The following BRIP1 variants were observed in gnomAD, a reference collection of about 807,000 sequenced individuals.
BRIP1 encodes the protein Fanconi anemia group J protein.
BRIP1 carries 88 observed loss-of-function variants against 119.7 expected under a neutral mutation model. The ratio of observed to expected loss-of-function variants is 0.74; its 90% CI spans 0.62 to 0.88. The LOEUF (loss-of-function observed/expected upper bound fraction) is 0.88, where lower values mean the gene tolerates loss of function less well. Ranked by LOEUF, BRIP1 falls within the 40% of genes least tolerant of loss-of-function variation. The pLI, the probability that BRIP1 is intolerant of heterozygous loss-of-function variation, is 0.00. For missense variants in BRIP1, 1,259 were observed against 1,455.4 expected, an observed-to-expected ratio of 0.87 and a Z score of 2.20; for synonymous variants, 443 against 496.5, an observed-to-expected ratio of 0.89 and a Z score of 1.43.
rs1166032763 is a variant in BRIP1, at chr17:61,815,930, T to C, written c.628-7173A>G. 6.6e-6 allele frequency among the ~76,000 whole-genome samples: 1 copy of C among 152,216 alleles called. No individual in the cohort carries two copies. Among genetic ancestry groups the C allele is most frequent in the Non-Finnish European group, 1.5e-5 (1 of 68,026 alleles). ...CATCTAAACAGGTACTGAATGCCCGTTGTGCAAAATCTCACATTAGCACAC... is the reference window on the plus strand; with the variant it reads ...CATCTAAACAGGTACTGAATGCCCGCTGTGCAAAATCTCACATTAGCACAC... On this transcript the variant is annotated intron_variant, in intron 6 of 19. Coordinates refer to ENST00000259008, the MANE Select transcript of BRIP1 (RefSeq NM_032043.3). This position sits in a 1 kb window ranked among gnomAD's most constrained non-coding sequence, Gnocchi z 4.1.
rs182628611 is a variant in BRIP1, at chr17:61,697,043, T to C, written c.2493-3531A>G. Among the ~76,000 whole-genome samples, 11 of 149,056 alleles carry C rather than the reference T, an allele frequency of 7.4e-5. No individual in the cohort carries two copies. The East Asian group carries it at 2.0e-3, about 27-fold the overall frequency. On this transcript the variant is annotated intron_variant, in intron 17 of 19. Transcript: ENST00000259008. Reference sequence around the variant, plus strand: ...TTTTGATGACAAATTCTATCTTTACTTGTTATACATCTATTCAGATATTCT... The same window carrying C: ...TTTTGATGACAAATTCTATCTTTACCTGTTATACATCTATTCAGATATTCT...
intron 17 of BRIP1, among the ~76,000 whole-genome samples, chr17:61,694,566 A>G (rs188854099): frequency 1.6e-4 from 25 of 152,128 alleles, no homozygotes; most frequent in Admixed American, 1.3e-3. Context: ...GTCATATAGT[A>G]ATTCTATGTT....
chr17:61,764,121 G>A (rs1285797067), intron 14 of BRIP1, among the ~76,000 whole-genome samples: 1 of 152,174 alleles, frequency 6.6e-6, no homozygotes, highest in African/African-American at 2.4e-5. Context: ...CAAACTGATG[G>A]ACTACAGCTG....
intron 16 of BRIP1, among the ~76,000 whole-genome samples, chr17:61,728,390 T>C (rs937072429): frequency 6.7e-6 from 1 of 149,248 alleles, no homozygotes; most frequent in East Asian, 2.0e-4. Context: ...AAAAGACAAA[T>C]AGGAAACAGA....
chr17:61,831,388 T>C lies in BRIP1; in HGVS notation c.627+15713A>G, dbSNP rs1158642340. Among the ~76,000 whole-genome samples the C allele has an allele frequency of 6.6e-6, 1 of 152,222 alleles. No individual in the cohort carries two copies. Among genetic ancestry groups the C allele is most frequent in the African/African-American group, 2.4e-5 (1 of 41,462 alleles). ...TATCAACTAGAACCAATAAGTGATA[T>C]AACAAGTTGCAGGTTACAGGGTAAA... On this transcript the variant is annotated intron_variant, in intron 6 of 19. Transcript: ENST00000259008. This position sits in a 1 kb window ranked among gnomAD's most constrained non-coding sequence, Gnocchi z 4.1.
intron 6 of BRIP1, among the ~76,000 whole-genome samples, chr17:61,818,229 ATATT>A (rs781070368): frequency 3.8e-4 from 57 of 151,854 alleles, no homozygotes; most frequent in Non-Finnish European, 6.3e-4. Context: ...AGTAGGGTAT[ATATT>A]TCTATAGATG....
rs953089956 is a variant in BRIP1, at chr17:61,810,000, T to C, written c.628-1243A>G. Among the ~76,000 whole-genome samples, 5 of 152,206 alleles carry C rather than the reference T, an allele frequency of 3.3e-5. No individual in the cohort carries two copies. The highest frequency in any genetic ancestry group is 7.3e-5 in the Non-Finnish European group (5 of 68,028). The stretch of plus-strand genomic sequence containing the variant: ...CGCCATTAAATATTACAATACATGA[T>C]AGAATGGATGTAAATGTGACCCTTC... On this transcript the variant is annotated intron_variant, in intron 6 of 19. Coordinates refer to ENST00000259008, the MANE Select transcript of BRIP1 (RefSeq NM_032043.3). This position sits in a 1 kb window ranked among gnomAD's most constrained non-coding sequence, Gnocchi z 5.2.
chr17:61,723,108 G>A (rs1479452561), intron 16 of BRIP1, among the ~76,000 whole-genome samples: 2 of 152,146 alleles, frequency 1.3e-5, no homozygotes, highest in Non-Finnish European at 2.9e-5. Context: ...AAGAAAAGGT[G>A]GAAAGTGAGT....
chr17:61,733,482 C>T lies in BRIP1; in HGVS notation c.2379+9531G>A, dbSNP rs869312534. Among the ~76,000 whole-genome samples the T allele has an allele frequency of 7.7e-4, 117 of 152,044 alleles. No individual in the cohort carries two copies. The highest frequency in any genetic ancestry group is 1.2e-3 in the Non-Finnish European group (82 of 68,002). On this transcript the variant is annotated intron_variant, in intron 16 of 19. Transcript: ENST00000259008. ...GCTGTTATCCTTTAGGGAAAGCACC[C>T]TTTTTCTGTGGTTTATAAAATGCCA...
In BRIP1 at chr17:61,853,255, TTTCACTCTATTTCTGTAAAAAGGCAAAAC is replaced by T. The variant is rs2078848021; in HGVS notation, c.379+3774_379+3802del. On this transcript the variant is annotated intron_variant, in intron 4 of 19. Transcript: ENST00000259008. The surrounding 1 kb of genome is among the most constrained non-coding windows in gnomAD (Gnocchi z 4.3). ...TCCATTTTTTTTTTTTGAGATGGAG[TTTCACTCTATTTCTGTAAAAAGGCAAAAC>T]TCATCAATGGTCACAGGAGGACAAG... 6.7e-6 allele frequency among the ~76,000 whole-genome samples: 1 copy of T among 149,664 alleles called. No homozygotes were observed. Among genetic ancestry groups the T allele is most frequent in the South Asian group, 2.1e-4 (1 of 4,708 alleles).
Position 61,799,108 on chromosome 17 carries a change from G to A in BRIP1, c.1332C>T (p.Ser444=), listed in dbSNP as rs200581792. 6.2e-7 allele frequency: 1 copy of A among 1,611,586 alleles called. No individual in the cohort carries two copies. Among genetic ancestry groups the A allele is most frequent in the Non-Finnish European group, 8.5e-7 (1 of 1,177,852 alleles). The part of the protein sequence containing the change: ...DHEPLRAVCC[S]LINWLEANAE... ...TAGACAAATCTTCTTACTTAATGAG[G>A]CTACAGCACACAGCTCGTAGGGGTT... The change falls in exon 9 of 20, where the codon AGC becomes AGT. Residue 444 remains serine (S), a synonymous_variant. Transcript: ENST00000259008. The surrounding 1 kb of genome is among the most constrained non-coding windows in gnomAD (Gnocchi z 5.1).
chr17:61,699,703 A>G lies in BRIP1; in HGVS notation c.2493-6191T>C, dbSNP rs949647061. On this transcript the variant is annotated intron_variant, in intron 17 of 19. Transcript: ENST00000259008. The surrounding 1 kb of genome is among the most constrained non-coding windows in gnomAD (Gnocchi z 4.8). ...GGTGTTCCTGGGCTGATGAATGAAA[A>G]CTTAGATTCAGGAGGGTACCTGTGA... Among the ~76,000 whole-genome samples, 2 of 152,134 alleles carry G rather than the reference A, an allele frequency of 1.3e-5. No individual in the cohort carries two copies. The highest frequency in any genetic ancestry group is 2.9e-5 in the Non-Finnish European group (2 of 68,028).
chr17:61,765,370 GTGTATATAT>G (rs1220086707), intron 14 of BRIP1, among the ~76,000 whole-genome samples: 19 of 91,762 alleles, frequency 2.1e-4, no homozygotes, highest in African/African-American at 8.5e-4. Context: ...GTGTGTGTGT[GTGTATATAT>G]TATATATATA....
rs1377685833 is a variant in BRIP1, at chr17:61,822,661, T to A, written c.628-13904A>T. Among the ~76,000 whole-genome samples the A allele has an allele frequency of 1.3e-5, 2 of 151,868 alleles. No homozygotes were observed. The highest frequency in any genetic ancestry group is 4.8e-5 in the African/African-American group (2 of 41,346). On this transcript the variant is annotated intron_variant, in intron 6 of 19. Transcript: ENST00000259008. This position sits in a 1 kb window ranked among gnomAD's most constrained non-coding sequence, Gnocchi z 4.4. Reference sequence around the variant, plus strand: ...TGGAAGGACAGGAGAAAACATAACATGGTTATAGCTAAGGAAAAGAATCAA... The same window carrying A: ...TGGAAGGACAGGAGAAAACATAACAAGGTTATAGCTAAGGAAAAGAATCAA...
chr17:61,740,189 T>C lies in BRIP1; in HGVS notation c.2379+2824A>G, dbSNP rs183928722. ...TCCTGTTGAGCTGAGGTGGAAGAGA[T>C]CAGAATATGGAGTGACTAAATCACA... On this transcript the variant is annotated intron_variant, in intron 16 of 19. Transcript: ENST00000259008. The surrounding 1 kb of genome is among the most constrained non-coding windows in gnomAD (Gnocchi z 5.4). Among the ~76,000 whole-genome samples the C allele has an allele frequency of 2.2e-4, 34 of 152,068 alleles. No homozygotes were observed. Among genetic ancestry groups the C allele is most frequent in the Admixed American group, 2.1e-3 (32 of 15,272 alleles).
rs1420313250 is a variant in BRIP1 at position 61,768,359 on chromosome 17, T to C, written c.2097+8042A>G. On this transcript the variant is annotated intron_variant, in intron 14 of 19. Coordinates refer to ENST00000259008, the MANE Select transcript of BRIP1 (RefSeq NM_032043.3). This position sits in a 1 kb window ranked among gnomAD's most constrained non-coding sequence, Gnocchi z 5.0. Reference sequence around the variant, plus strand: ...TCAATACAAAATAAGTATTAGTATATGGAATTAGGCTGTATTGCTCTACGG... The same window carrying C: ...TCAATACAAAATAAGTATTAGTATACGGAATTAGGCTGTATTGCTCTACGG... Among the ~76,000 whole-genome samples, 1 of 152,188 alleles carries C rather than the reference T, an allele frequency of 6.6e-6. No individual in the cohort carries two copies. Among genetic ancestry groups the C allele is most frequent in the East Asian group, 1.9e-4 (1 of 5,198 alleles).
At chr17:61,694,387 T>G (rs1411873373) in intron 17 of BRIP1, among the ~76,000 whole-genome samples, 1 of 152,132 alleles carries the variant, frequency 6.6e-6, no homozygotes, top group Admixed American at 6.5e-5. Context: ...ACATGATGTT[T>G]TCAAGATTCA....
chr17:61,683,187 T>C lies in BRIP1; in HGVS notation c.*109A>G, dbSNP rs978488634. The C allele has an allele frequency of 1.6e-6, 2 of 1,264,260 alleles. No homozygotes were observed. Among genetic ancestry groups the C allele is most frequent in the South Asian group, 1.4e-5 (1 of 73,938 alleles). 78.3% of individuals were successfully genotyped at this position (1,264,260 alleles called of 1,614,324 possible). A position where few individuals can be genotyped will look rare whatever the true frequency, so the allele number is the denominator to read the frequency against. ...AACATTTACATTTCTGAACATAAAA[T>C]AGTTTTTTAAAAAGTATGCCACTTA... On this transcript the variant is annotated 3_prime_UTR_variant, in exon 20 of 20. Transcript: ENST00000259008. This position sits in a 1 kb window ranked among gnomAD's most constrained non-coding sequence, Gnocchi z 4.7.
intron 4 of BRIP1, among the ~76,000 whole-genome samples, chr17:61,854,504 A>G (rs1567872688): frequency 6.6e-6 from 1 of 151,996 alleles, no homozygotes; most frequent in East Asian, 1.9e-4. Flanking sequence ...GTCAGGAGCT[A>G]CAGAGCAGCC....
Sources: allele counts gnomAD v4.1 joint callset (sites outside exome capture counted in the v4.1 genomes callset), GRCh38; gene constraint gnomAD v4.1.1; non-coding constraint Gnocchi (gnomAD v3.1); transcripts MANE v1.5; gene names NCBI Gene and HGNC (gene_info 2026-07-23, HGNC 2026-07-21).